The following SLCO4A1 variants were observed in gnomAD, a reference collection of about 807,000 sequenced individuals.
SLCO4A1 encodes solute carrier organic anion transporter family member 4A1, also known as colon organic anion transporter.
In SLCO4A1, 51 loss-of-function variants were observed where a neutral mutation model predicts 64.6. The observed-to-expected ratio is 0.79, with a 90% CI of 0.63 to 1.00. The LOEUF (loss-of-function observed/expected upper bound fraction) is 1.00. SLCO4A1 is among the 50% of genes least tolerant of loss of function. SLCO4A1 has a pLI of 0.00. For missense variants in SLCO4A1, 919 were observed against 980.5 expected, an observed-to-expected ratio of 0.94 and a Z score of 0.84; for synonymous variants, 471 against 444.9, an observed-to-expected ratio of 1.06 and a Z score of -0.74.
Position 62,656,827 on chromosome 20 carries a change from A to G in SLCO4A1, c.373A>G (p.Asn125Asp). The change falls in exon 2 of 12, where the codon AAC becomes GAC. Residue 125 changes from asparagine to aspartate, a missense_variant. By Grantham distance (23) the Asn-to-Asp change is conservative. Transcript: ENST00000217159. ...GGGGATGACTGTGAATGGCTTCATC[A>G]ACACAGTCATCACCTCCCTGGAGCG... ...LQGMTVNGFI[N>D]TVITSLERRY... The G allele has an allele frequency of 6.2e-7, 1 of 1,612,550 alleles. No individual in the cohort carries two copies. The highest frequency in any genetic ancestry group is 2.2e-5 in the East Asian group (1 of 44,858).
At chr20:62,683,008 C>T (rs1364907395) in intron 2 of SLCO4A1, among the ~76,000 whole-genome samples, 1 of 152,224 alleles carries the variant, frequency 6.6e-6, no homozygotes, top group Non-Finnish European at 1.5e-5. Flanking sequence ...GCTGCGCAGG[C>T]TGTGAGGGCG....
intron 2 of SLCO4A1, among the ~76,000 whole-genome samples, chr20:62,683,932 C>T (rs1172716915): frequency 2.9e-5 from 4 of 136,290 alleles, no homozygotes; most frequent in Non-Finnish European, 4.8e-5. Flanking sequence ...CACGTGACCA[C>T]GCGCTTCCCA....
chr20:62,665,289 T>A, intron 6 of SLCO4A1: 1 of 571,570 alleles, frequency 1.7e-6, no homozygotes, highest in Non-Finnish European at 3.0e-6. Context: ...GGTCCTGCCC[T>A]CTTTGTGGGA....
intron 1 of SLCO4A1, chr20:62,642,921 A>C (rs1168020619): frequency 2.2e-6 from 1 of 450,462 alleles, no homozygotes; most frequent in African/African-American, 2.1e-5. Context: ...TGACCTGGGC[A>C]GGTGGCCCGG....
chr20:62,666,372 C>G lies in SLCO4A1; in HGVS notation c.1277-8C>G, dbSNP rs1239148286. The G allele has an allele frequency of 4.3e-6, 7 of 1,611,526 alleles. No homozygotes were observed. Among genetic ancestry groups the G allele is most frequent in the Non-Finnish European group, 5.1e-6 (6 of 1,179,084 alleles). On this transcript the variant is annotated splice_region_variant and splice_polypyrimidine_tract_variant and intron_variant, in intron 6 of 11. Coordinates refer to ENST00000217159, the MANE Select transcript of SLCO4A1 (RefSeq NM_016354.4). Reference sequence around the variant, plus strand: ...TGAGTCCCTGGCTGAATCCCTCCCTCTCCCCAGGGTACCTGGTGGTGCCAG... The same window carrying G: ...TGAGTCCCTGGCTGAATCCCTCCCTGTCCCCAGGGTACCTGGTGGTGCCAG...
rs1986797734 is a variant in SLCO4A1 at position 62,668,543 on chromosome 20, T to C, written c.1876+2T>C. The C allele has an allele frequency of 1.9e-6, 3 of 1,612,094 alleles. No individual in the cohort carries two copies. Among genetic ancestry groups the C allele is most frequent in the Non-Finnish European group, 2.5e-6 (3 of 1,178,460 alleles). On this transcript the variant is annotated splice_donor_variant, in intron 10 of 11. Coordinates refer to ENST00000217159, the MANE Select transcript of SLCO4A1 (RefSeq NM_016354.4). LOFTEE classifies it high-confidence loss of function. ...AGTGGATTGTAGTTAGAATACTAGG[T>C]ACTGTGCAGTGTGAGGAAGCCATGG...
chr20:62,684,863 C>T (rs895829738), intron 2 of SLCO4A1, among the ~76,000 whole-genome samples: 14 of 152,294 alleles, frequency 9.2e-5, no homozygotes, highest in African/African-American at 2.9e-4. Context: ...ACCCCATGGC[C>T]GTGGTGAGTT....
At position 62,656,896 on chromosome 20, in the gene SLCO4A1, T is replaced by C; in HGVS notation, c.442T>C (p.Ser148Pro). 1 of 1,574,958 alleles carries C rather than the reference T, an allele frequency of 6.3e-7. No individual in the cohort carries two copies. The change falls in exon 2 of 12, where the codon TCC becomes CCC. Residue 148 changes from serine (S) to proline (P), a missense_variant. Transcript: ENST00000217159. Reference protein sequence around the residue: ...HSYQSGLIASSYDIAACLCLT... With the variant: ...HSYQSGLIASPYDIAACLCLT... Reference sequence around the variant, plus strand: ...CTACCAGAGCGGGCTCATCGCCAGCTCCTACGACATTGCCGCCTGCCTCTG... The same window carrying C: ...CTACCAGAGCGGGCTCATCGCCAGCCCCTACGACATTGCCGCCTGCCTCTG...
intron 11 of SLCO4A1, among the ~76,000 whole-genome samples, chr20:62,669,720 C>T (rs1986970003): frequency 6.6e-6 from 1 of 152,194 alleles, no homozygotes; most frequent in South Asian, 2.1e-4. Context: ...GATCTTGACG[C>T]TCTTCCTTGG....
downstream of SLCO4A1, among the ~76,000 whole-genome samples, chr20:62,688,295 C>G (rs901859072): frequency 2.0e-5 from 3 of 152,162 alleles, no homozygotes; most frequent in Admixed American, 1.3e-4. Context: ...CGCGGCCCCC[C>G]ACGAGGCCTC....
At chr20:62,654,783 G>T (rs1983333397) in intron 1 of SLCO4A1, among the ~76,000 whole-genome samples, 1 of 152,162 alleles carries the variant, frequency 6.6e-6, no homozygotes, top group Non-Finnish European at 1.5e-5. Flanking sequence ...CCCCACCTTA[G>T]CTCCACAGTG....
At chr20:62,668,363 T>TG (rs540969508) in intron 9 of SLCO4A1, 114 bp from the exon 10 acceptor site, 29,461 of 1,222,448 alleles carry the variant, frequency 0.024, 999 homozygotes, top group African/African-American at 0.19. Context: ...GCTTCCCACT[T>TG]GGGGGGGGGT....
chr20:62,664,842 AC>A, intron 5 of SLCO4A1, 91 bp from the exon 6 acceptor site: 1 of 1,350,502 alleles, frequency 7.4e-7, no homozygotes, highest in Non-Finnish European at 1.0e-6. Flanking sequence ...ACCTCTGCCC[AC>A]CACTCTGACC....
In SLCO4A1 at chr20:62,672,154, C is replaced by T. The variant is rs181007213; in HGVS notation, c.*261C>T. On this transcript the variant is annotated 3_prime_UTR_variant, in exon 12 of 12. Coordinates refer to ENST00000217159, the MANE Select transcript of SLCO4A1 (RefSeq NM_016354.4). The stretch of plus-strand genomic sequence containing the variant: ...TTATAGAATGTGTTTTATACCCGAT[C>T]GTGTGTGGTGTGCGTGAGGACAAAC... 1.0e-5 allele frequency: 14 copies of T among 1,365,928 alleles called. No individual in the cohort carries two copies. The highest frequency in any genetic ancestry group is 2.0e-4 in the Middle Eastern group (1 of 4,892). 84.6% of individuals were successfully genotyped at this position (1,365,928 alleles called of 1,614,324 possible). A position where few individuals can be genotyped will look rare whatever the true frequency, so the allele number is the denominator to read the frequency against.
chr20:62,669,113 T>C (rs1055351108), intron 11 of SLCO4A1, 35 bp downstream of exon 11: 3 of 1,594,824 alleles, frequency 1.9e-6, no homozygotes, highest in Non-Finnish European at 2.6e-6. Flanking sequence ...GAGGGTCTGC[T>C]CTGAGGGTGG....
At position 62,647,889 on chromosome 20, in the gene SLCO4A1, G is replaced by A. The variant is rs566035382; in HGVS notation, c.-97+5336G>A. On this transcript the variant is annotated intron_variant, in intron 1 of 11. Coordinates refer to ENST00000217159, the MANE Select transcript of SLCO4A1 (RefSeq NM_016354.4). ...GGGGAGGAAGAGGTCAGCCGGATTC[G>A]CCTCTAAAAGACCCTAGCAGAGGAG... 2.4e-4 allele frequency among the ~76,000 whole-genome samples: 36 copies of A among 152,334 alleles called. No homozygotes were observed. In the East Asian group the frequency reaches 6.6e-3, roughly 28 times the overall value.
At chr20:62,660,002 C>T (rs1016122325) in intron 3 of SLCO4A1, among the ~76,000 whole-genome samples, 12 of 152,238 alleles carry the variant, frequency 7.9e-5, no homozygotes, top group Non-Finnish European at 1.8e-4. Flanking sequence ...GGGGAGCTCT[C>T]AGTGAGCTCC....
intron 1 of SLCO4A1, among the ~76,000 whole-genome samples, chr20:62,654,343 G>A (rs990806114): frequency 1.3e-5 from 2 of 152,198 alleles, no homozygotes; most frequent in Non-Finnish European, 2.9e-5. Flanking sequence ...AAGGTCATGC[G>A]CTCAGGTCCC....
Position 62,685,130 on chromosome 20 carries a change from A to C in SLCO4A1, n.212-311A>C, listed in dbSNP as rs1855154658. Among the ~76,000 whole-genome samples, 1 of 150,642 alleles carries C rather than the reference A, an allele frequency of 6.6e-6. No homozygotes were observed. Among genetic ancestry groups the C allele is most frequent in the Non-Finnish European group, 1.5e-5 (1 of 67,570 alleles). On this transcript the variant is annotated intron_variant and non_coding_transcript_variant, in intron 2 of 2. Transcript: ENST00000466818. The surrounding 1 kb of genome is among the most constrained non-coding windows in gnomAD (Gnocchi z 4.6). ...GACCAGCCAGGGTCATAAAACACACATGGTCAGAGCAGGGCACTCAGCTGC... is the reference window on the plus strand; with the variant it reads ...GACCAGCCAGGGTCATAAAACACACCTGGTCAGAGCAGGGCACTCAGCTGC...
Sources: gnomAD v4.1 joint callset for allele counts (sites outside exome capture counted in the v4.1 genomes callset) on GRCh38, gnomAD v4.1.1 for gene constraint, Gnocchi (gnomAD v3.1) non-coding constraint, MANE v1.5 for transcripts, NCBI Gene and HGNC (gene_info 2026-07-23, HGNC 2026-07-21) for gene names.